GABRA4: variants seen among roughly 807,000 people sequenced by gnomAD.
The protein encoded by GABRA4 is gamma-aminobutyric acid type A receptor subunit alpha4, also known as gamma-aminobutyric acid receptor subunit alpha-4.
GABRA4 carries 12 observed loss-of-function variants against 49.7 expected under a neutral mutation model. The observed-to-expected ratio is 0.24, with a 90% confidence interval of 0.15 to 0.39. GABRA4 has a LOEUF of 0.39. Ranked by LOEUF, GABRA4 falls within the 10% of genes least tolerant of loss-of-function variation. The pLI is 1.00. For synonymous variants in GABRA4, 288 were observed against 240.2 expected, an observed-to-expected ratio of 1.20 and a Z score of -1.84; for missense variants, 506 against 686.0, an observed-to-expected ratio of 0.74 and a Z score of 2.93.
intron 8 of GABRA4, among the ~76,000 whole-genome samples, chr4:46,956,967 A>G (rs762502541): frequency 6.6e-6 from 1 of 152,036 alleles, no homozygotes; most frequent in Non-Finnish European, 1.5e-5. Flanking sequence ...CAGCAATCAC[A>G]TAGGAAACAA....
chr4:46,938,521 T>A (rs887576509), intron 8 of GABRA4, among the ~76,000 whole-genome samples: 1 of 152,124 alleles, frequency 6.6e-6, no homozygotes, highest in African/African-American at 2.4e-5. Context: ...TTATAAGCCA[T>A]GTACCTCTGT....
intron 8 of GABRA4, among the ~76,000 whole-genome samples, chr4:46,959,678 G>C (rs369251265): frequency 7.6e-6 from 1 of 131,862 alleles, no homozygotes; most frequent in African/African-American, 2.8e-5. Context: ...CAGCAGAATG[G>C]TTTTATTCTG....
intron 7 of GABRA4, among the ~76,000 whole-genome samples, chr4:46,967,079 G>A (rs1445484958): frequency 6.6e-6 from 1 of 151,644 alleles, no homozygotes; most frequent in Non-Finnish European, 1.5e-5. Context: ...TTTGACAATA[G>A]ATGAAAATGT....
chr4:46,947,006 T>C (rs1033989294), intron 8 of GABRA4, among the ~76,000 whole-genome samples: 10 of 152,070 alleles, frequency 6.6e-5, no homozygotes, highest in Non-Finnish European at 1.5e-4. Flanking sequence ...AAATCAGAAC[T>C]CTTTTTCTCA....
rs895719912 is a variant in GABRA4, at chr4:46,928,650, A to G, written c.1240T>C (p.Ser414Pro). The change falls in exon 9 of 9, where the codon TCC (serine) becomes CCC (proline). Residue 414 changes from serine (S) to proline (P), a missense_variant. Ser to Pro is a moderately conservative substitution (Grantham distance 74). Transcript: ENST00000264318. ...TTAGAAGATTCTTGAACAACTGTGGAAGATTTGCTTGAATGGTTTCCCACC... is the reference window on the plus strand; with the variant it reads ...TTAGAAGATTCTTGAACAACTGTGGGAGATTTGCTTGAATGGTTTCCCACC... ...TEVGNHSSKS[S>P]TVVQESSKGT... 6.8e-6 allele frequency: 11 copies of G among 1,613,680 alleles called. 2 individuals carry two copies. Among genetic ancestry groups the G allele is most frequent in the Admixed American group, 3.3e-5 (2 of 59,932 alleles).
chr4:46,993,463 C>T lies in GABRA4; in HGVS notation c.-39G>A. 3.7e-6 allele frequency: 6 copies of T among 1,602,114 alleles called. No individual in the cohort carries two copies. The highest frequency in any genetic ancestry group is 1.1e-5 in the South Asian group (1 of 90,846). ...CATACTTCAAGCCTGTTCACGTTTC[C>T]AGGCTCTTCAGATGCCCTGAGCAGG... On this transcript the variant is annotated 5_prime_UTR_variant, in exon 1 of 9. Transcript: ENST00000264318.
In GABRA4 at chr4:46,921,415, A is replaced by G. The variant is rs1721028102; in HGVS notation, c.*6810T>C. The G allele has an allele frequency of 6.6e-6, 1 of 152,034 alleles. No homozygotes were observed. The highest frequency in any genetic ancestry group is 2.4e-5 in the African/African-American group (1 of 41,444). 9.4% of individuals were successfully genotyped at this position (152,034 alleles called of 1,614,324 possible). A position where few individuals can be genotyped will look rare whatever the true frequency, so the allele number is the denominator to read the frequency against. On this transcript the variant is annotated 3_prime_UTR_variant, in exon 9 of 9. Coordinates refer to ENST00000264318, the MANE Select transcript of GABRA4 (RefSeq NM_000809.4). The stretch of plus-strand genomic sequence containing the variant: ...AGGAAAGGGAAGCAATCTCAGAGGA[A>G]AACTCTGGGATTCCCCTATAGAAAC...
intron 8 of GABRA4, among the ~76,000 whole-genome samples, chr4:46,932,254 G>A (rs1040439196): frequency 6.6e-6 from 1 of 152,118 alleles, no homozygotes; most frequent in Non-Finnish European, 1.5e-5. Context: ...TTTTAAAACA[G>A]AAAGGGATTT....
intron 8 of GABRA4, among the ~76,000 whole-genome samples, chr4:46,964,438 T>A (rs1722681908): frequency 6.6e-6 from 1 of 151,854 alleles, no homozygotes; most frequent in African/African-American, 2.4e-5. Context: ...GTAACTCAAA[T>A]AATAAATACT....
At chr4:46,950,503 C>T (rs1009672166) in intron 8 of GABRA4, among the ~76,000 whole-genome samples, 5 of 152,020 alleles carry the variant, frequency 3.3e-5, no homozygotes, top group African/African-American at 1.2e-4. Context: ...ACCTTTACTT[C>T]AAAAGACCAT....
chr4:46,929,564 T>C (rs1341592350), intron 8 of GABRA4, among the ~76,000 whole-genome samples: 1 of 152,082 alleles, frequency 6.6e-6, no homozygotes, highest in Non-Finnish European at 1.5e-5. Context: ...TTGAAGAAAG[T>C]TGTGCAGTAA....
chr4:46,953,079 C>T (rs1490674045), intron 8 of GABRA4, among the ~76,000 whole-genome samples: 4 of 152,008 alleles, frequency 2.6e-5, no homozygotes, highest in Admixed American at 2.0e-4. Flanking sequence ...AATAACAATT[C>T]CAATAATATG....
chr4:46,966,302 A>G (rs1412788223), intron 7 of GABRA4, among the ~76,000 whole-genome samples: 1 of 151,744 alleles, frequency 6.6e-6, no homozygotes, highest in Admixed American at 6.6e-5. Flanking sequence ...TGATGATAAT[A>G]ATAGAACAAT....
rs192933975 is a variant in GABRA4 at position 46,951,656 on chromosome 4, G to A, written c.1134+13314C>T. Among the ~76,000 whole-genome samples the A allele has an allele frequency of 5.5e-4, 84 of 151,692 alleles. No individual in the cohort carries two copies. The East Asian group carries it at 9.8e-3, about 18-fold the overall frequency. On this transcript the variant is annotated intron_variant, in intron 8 of 8. Transcript: ENST00000264318. ...GAAAGTGCAGATGTGCTAAACGGTG[G>A]GGCTTCTTCTTCCTCTATAGCTCTT...
intron 8 of GABRA4, among the ~76,000 whole-genome samples, chr4:46,962,768 C>G (rs1178429150): frequency 6.6e-6 from 1 of 151,794 alleles, no homozygotes; most frequent in Non-Finnish European, 1.5e-5. Flanking sequence ...ACACATAGAT[C>G]AATGAAACAG....
rs771926291 is a variant in GABRA4, at chr4:46,979,096, G to A, written c.208C>T (p.Pro70Ser). 6.9e-6 allele frequency: 11 copies of A among 1,597,888 alleles called. No individual in the cohort carries two copies. In the African/African-American group the frequency reaches 9.4e-5, roughly 14 times the overall value. ...ATGTCAGTTTTCACTTCTGTAACAGGACCTAACGGGTATGAAGTAAATAAG... is the reference window on the plus strand; with the variant it reads ...ATGTCAGTTTTCACTTCTGTAACAGAACCTAACGGGTATGAAGTAAATAAG... ...DNRLRPGFGG[P>S]VTEVKTDIYV... The change falls in exon 3 of 9, where the codon CCT (proline) becomes TCT (serine). Residue 70 changes from proline to serine, a missense_variant and splice_region_variant. Pro to Ser is a moderately conservative substitution (Grantham distance 74). This residue lies in a region of GABRA4 where 195 missense variants were observed against 326.0 expected (regional missense o/e 0.60). Coordinates refer to ENST00000264318, the MANE Select transcript of GABRA4 (RefSeq NM_000809.4).
At chr4:46,934,062 C>T (rs1041180744) in intron 8 of GABRA4, among the ~76,000 whole-genome samples, 1 of 152,112 alleles carries the variant, frequency 6.6e-6, no homozygotes, top group Non-Finnish European at 1.5e-5. Context: ...GATAAAGTGA[C>T]TAAGATTAGG....
In GABRA4 at chr4:46,993,377, G is replaced by A. The variant is rs1476302431; in HGVS notation, c.48C>T (p.Val16=). 1 of 1,614,218 alleles carries A rather than the reference G, an allele frequency of 6.2e-7. No individual in the cohort carries two copies. The highest frequency in any genetic ancestry group is 8.5e-7 in the Non-Finnish European group (1 of 1,180,036). ...KVPAIALSAG[V]SFALLRFLCL... ...ACAGGAAGCGCAGGAGGGCGAAACT[G>A]ACCCCGGCGGACAGAGCGATCGCGG... Residue 16 remains valine (V), a synonymous_variant, in exon 1 of 9, where the codon GTC becomes GTT. Coordinates refer to ENST00000264318, the MANE Select transcript of GABRA4 (RefSeq NM_000809.4).
chr4:46,946,223 T>C (rs1315967927), intron 8 of GABRA4, among the ~76,000 whole-genome samples: 1 of 152,160 alleles, frequency 6.6e-6, no homozygotes, highest in African/African-American at 2.4e-5. Flanking sequence ...TTTATAATGT[T>C]GATACTTCTT....
Sources: gnomAD v4.1 joint callset for allele counts (sites outside exome capture counted in the v4.1 genomes callset) on GRCh38, gnomAD v4.1.1 for gene constraint, gnomAD v4.1.1 regional missense constraint, MANE v1.5 for transcripts, NCBI Gene and HGNC (gene_info 2026-07-23, HGNC 2026-07-21) for gene names.